The following NAV3 variants were observed in gnomAD, a reference collection of about 807,000 sequenced individuals.
NAV3 encodes pore membrane and/or filament interacting like protein 1.
In NAV3, 87 loss-of-function variants were observed where a neutral mutation model predicts 244.7. The observed-to-expected ratio is 0.36, with a 90% CI of 0.30 to 0.42. The LOEUF (loss-of-function observed/expected upper bound fraction) is 0.42, where lower values mean the gene tolerates loss of function less well. Among genes scored for constraint, NAV3 ranks in the 20% least tolerant of loss-of-function variants. The probability of loss-of-function intolerance (pLI) is 1.00; values close to 1 mark genes in which losing one functional copy is unlikely to be tolerated. For missense variants in NAV3, 2,663 were observed against 2,893.3 expected (o/e 0.92, Z 1.83); for synonymous variants, 1,126 against 1,042.2 (o/e 1.08, Z -1.55).
At chr12:78,074,953 G>A (rs569594393) in intron 12 of NAV3, among the ~76,000 whole-genome samples, 1 of 152,016 alleles carries the variant, frequency 6.6e-6, no homozygotes, top group Non-Finnish European at 1.5e-5. Context: ...AGTTTCCTCT[G>A]GGAAAAGAAA....
intron 34 of NAV3, among the ~76,000 whole-genome samples, chr12:78,195,452 C>A (rs1959163429): frequency 6.6e-6 from 1 of 151,642 alleles, no homozygotes; most frequent in South Asian, 2.1e-4. Context: ...TCTCTTATGT[C>A]TCCCTATAAT....
At chr12:78,049,603 G>T (rs1272018609) in intron 9 of NAV3, among the ~76,000 whole-genome samples, 7 of 152,262 alleles carry the variant, frequency 4.6e-5, no homozygotes, top group Admixed American at 3.9e-4. Context: ...GAAATCACCT[G>T]CCTTCTGTGT....
intron 20 of NAV3, chr12:78,145,095 C>G (rs2139165590): frequency 3.3e-6 from 1 of 304,776 alleles, no homozygotes; most frequent in Admixed American, 4.8e-5. Flanking sequence ...ATTCAAAAAC[C>G]AAACTGTGTA....
intron 2 of NAV3, among the ~76,000 whole-genome samples, chr12:77,810,304 TG>T (rs2135997977): frequency 6.6e-6 from 1 of 152,274 alleles, no homozygotes; most frequent in African/African-American, 2.4e-5. Context: ...CCCGAGTAGC[TG>T]GGACTACAGG....
chr12:78,114,162 A>C (rs1322426546), intron 12 of NAV3, among the ~76,000 whole-genome samples: 1 of 152,182 alleles, frequency 6.6e-6, no homozygotes, highest in African/African-American at 2.4e-5. Context: ...TTCATTGTCC[A>C]TATCATTATC....
At chr12:78,138,778 GTATCAGGATTAAA>G (rs953755164) in intron 19 of NAV3, among the ~76,000 whole-genome samples, 1 of 152,172 alleles carries the variant, frequency 6.6e-6, no homozygotes. Flanking sequence ...GGCCTTCAAT[GTATCAGGATTAAA>G]TAATCTGAAT....
intron 28 of NAV3, among the ~76,000 whole-genome samples, chr12:78,178,471 T>C (rs1479876814): frequency 6.6e-6 from 1 of 152,084 alleles, no homozygotes; most frequent in Non-Finnish European, 1.5e-5. Context: ...CAAAATACTG[T>C]AATATTTTTG....
chr12:78,109,668 C>T (rs1190884311), intron 12 of NAV3, among the ~76,000 whole-genome samples: 1 of 151,804 alleles, frequency 6.6e-6, no homozygotes, highest in African/African-American at 2.4e-5. Flanking sequence ...ACATGATAAG[C>T]ATCTTCACAG....
At chr12:78,120,906 C>G (rs1248668807) in intron 15 of NAV3, among the ~76,000 whole-genome samples, 1 of 152,086 alleles carries the variant, frequency 6.6e-6, no homozygotes, top group East Asian at 1.9e-4. Context: ...ATTTCAGATA[C>G]CTGATTGTTT....
intron 2 of NAV3, among the ~76,000 whole-genome samples, chr12:77,692,657 A>C (rs999300031): frequency 1.3e-5 from 2 of 152,144 alleles, no homozygotes; most frequent in African/African-American, 4.8e-5. Context: ...ATGTTTAGCT[A>C]TTTAAATAAA....
intron 2 of NAV3, among the ~76,000 whole-genome samples, chr12:77,632,172 C>T (rs144470714): frequency 0.014 from 2,203 of 152,244 alleles, 19 homozygotes; most frequent in Non-Finnish European, 0.021. Context: ...TATCTAGCTA[C>T]AATCAGAATG....
chr12:77,625,439 G>A (rs2136892271), intron 2 of NAV3, among the ~76,000 whole-genome samples: 1 of 152,104 alleles, frequency 6.6e-6, no homozygotes, highest in East Asian at 1.9e-4. Flanking sequence ...CCCAGGGTGT[G>A]GATTTAAGGC....
intron 1 of NAV3, among the ~76,000 whole-genome samples, chr12:77,873,648 G>T (rs1164708984): frequency 7.8e-6 from 1 of 128,366 alleles, no homozygotes; most frequent in East Asian, 2.3e-4. Flanking sequence ...AAAAGAAATA[G>T]TATTTTTATA....
intron 20 of NAV3, among the ~76,000 whole-genome samples, chr12:78,140,831 T>A (rs1019780969): frequency 2.6e-5 from 4 of 151,816 alleles, no homozygotes; most frequent in African/African-American, 9.7e-5. Flanking sequence ...ATGTTTTTTT[T>A]TAAATATACC....
chr12:77,741,441 T>C (rs1460899726), intron 2 of NAV3, among the ~76,000 whole-genome samples: 1 of 152,086 alleles, frequency 6.6e-6, no homozygotes, highest in Non-Finnish European at 1.5e-5. Context: ...TTTTTGTGTT[T>C]GTGTGTTGCT....
intron 9 of NAV3, chr12:78,036,465 G>C (rs986954898): frequency 5.9e-6 from 1 of 168,368 alleles, no homozygotes. Flanking sequence ...AGAGACCTCA[G>C]CTCGTGCTTC....
At chr12:77,736,759 C>T (rs1877351389) in intron 2 of NAV3, among the ~76,000 whole-genome samples, 1 of 152,176 alleles carries the variant, frequency 6.6e-6, no homozygotes, top group Non-Finnish European at 1.5e-5. Flanking sequence ...AGTGTGCATT[C>T]TCACTGCCCT....
In NAV3 at chr12:78,122,166, A is replaced by T. The variant is rs1955699316; in HGVS notation, c.3976A>T (p.Ser1326Cys). The change falls in exon 16 of 40, where the codon AGT becomes TGT. Residue 1326 changes from serine to cysteine, a missense_variant. Ser to Cys is a moderately radical substitution (Grantham distance 112). Coordinates refer to ENST00000397909, the MANE Select transcript of NAV3 (RefSeq NM_001024383.2). ...SDLTTDVISL[S>C]HSLASSPASV... is the part of the protein sequence containing the mutation. The stretch of plus-strand genomic sequence containing the variant: ...CTTAACTACAGATGTTATAAGCTTA[A>T]GTCACTCGTTGGCCTCCAGCCCAGC... The T allele has an allele frequency of 6.2e-7, 1 of 1,614,122 alleles. No individual in the cohort carries two copies. The highest frequency in any genetic ancestry group is 1.6e-4 in the Middle Eastern group (1 of 6,062).
chr12:77,654,182 G>C (rs1037169124), intron 2 of NAV3, among the ~76,000 whole-genome samples: 2 of 152,210 alleles, frequency 1.3e-5, no homozygotes, highest in Non-Finnish European at 1.5e-5. Flanking sequence ...CAAGGGGTCA[G>C]GGAGTTCCCT....
Sources: gnomAD v4.1 joint callset for allele counts (sites outside exome capture counted in the v4.1 genomes callset) on GRCh38, gnomAD v4.1.1 for gene constraint, MANE v1.5 for transcripts, NCBI Gene and HGNC (gene_info 2026-07-23, HGNC 2026-07-21) for gene names.